The following CACNA1G variants were observed in gnomAD, a reference collection of about 807,000 sequenced individuals.
The protein encoded by CACNA1G is voltage-dependent T-type calcium channel subunit alpha-1G.
Under a neutral mutation model 219.4 loss-of-function variants are expected in CACNA1G, and 67 were observed. That is an observed-to-expected ratio of 0.31 (90% CI 0.25 to 0.37). The LOEUF is 0.37. Among genes scored for constraint, CACNA1G ranks in the 10% least tolerant of loss-of-function variants. The pLI is 1.00. For missense variants in CACNA1G, 2,380 were observed against 3,231.4 expected, an observed-to-expected ratio of 0.74 and a Z score of 6.39; for synonymous variants, 1,296 against 1,345.3, an observed-to-expected ratio of 0.96 and a Z score of 0.80.
intron 9 of CACNA1G, among the ~76,000 whole-genome samples, chr17:50,579,009 G>T (rs886949502): frequency 1.3e-5 from 2 of 152,100 alleles, no homozygotes; most frequent in South Asian, 4.1e-4. Flanking sequence ...ATGTAAACAG[G>T]GGTGCAGAGG....
chr17:50,610,177 T>A (rs1034926641), intron 26 of CACNA1G, among the ~76,000 whole-genome samples: 4 of 152,116 alleles, frequency 2.6e-5, no homozygotes, highest in African/African-American at 9.6e-5. Flanking sequence ...CAGCAAGGGC[T>A]TCCTTGGCCG....
intron 9 of CACNA1G, among the ~76,000 whole-genome samples, chr17:50,585,254 T>C (rs908378716): frequency 4.6e-5 from 7 of 152,134 alleles, no homozygotes; most frequent in African/African-American, 1.7e-4. Flanking sequence ...CAAGCGATCC[T>C]CCCACCCCAG....
intron 10 of CACNA1G, 49 bp from the exon 11 acceptor site, chr17:50,591,386 G>A (rs781422746): frequency 1.4e-6 from 2 of 1,462,650 alleles, no homozygotes; most frequent in Non-Finnish European, 1.8e-6. Context: ...AGGGAGTAGG[G>A]GGAGAGGGTG....
In CACNA1G at chr17:50,568,880, C is replaced by T. The variant is rs1438217441; in HGVS notation, c.253C>T (p.Arg85Cys). 6.2e-7 allele frequency: 1 copy of T among 1,613,376 alleles called. No individual in the cohort carries two copies. The change falls in exon 2 of 38, where the codon CGC becomes TGC. Residue 85 changes from arginine (R) to cysteine (C), a missense_variant. Coordinates refer to ENST00000359106, the MANE Select transcript of CACNA1G (RefSeq NM_018896.5). ...CTTGACTGCCAGTACCTGGTTTGAGCGCATCAGCATGTTGGTCATCCTTCT... is the reference window on the plus strand; with the variant it reads ...CTTGACTGCCAGTACCTGGTTTGAGTGCATCAGCATGTTGGTCATCCTTCT... ...LRTVCNPWFE[R>C]ISMLVILLNC...
chr17:50,624,364 C>G lies in CACNA1G; in HGVS notation c.6234C>G (p.Ser2078=), dbSNP rs370861667. 3 of 1,578,658 alleles carry G rather than the reference C, an allele frequency of 1.9e-6. No individual in the cohort carries two copies. The highest frequency in any genetic ancestry group is 1.2e-5 in the South Asian group (1 of 85,780). ...GWGLPKAQSG[S]VLSVHSQPAD... is the part of the protein sequence containing the mutation. ...CCCGCTTCCCTCCCTCCACAGGCTC[C>G]GTCTTGTCCGTTCACTCCCAGCCAG... Residue 2078 remains serine, a synonymous_variant, in exon 37 of 38, where the codon TCC becomes TCG. Coordinates refer to ENST00000359106, the MANE Select transcript of CACNA1G (RefSeq NM_018896.5).
In CACNA1G at chr17:50,617,125, A is replaced by C. The variant is rs2050762040; in HGVS notation, c.5022-313A>C. On this transcript the variant is annotated intron_variant, in intron 28 of 37. Coordinates refer to ENST00000359106, the MANE Select transcript of CACNA1G (RefSeq NM_018896.5). This position sits in a 1 kb window ranked among gnomAD's most constrained non-coding sequence, Gnocchi z 5.8. ...CAGACTCCCAAAGTGTTGGGACTGC[A>C]GGTGTGAGTTCCTATTTGTAAAGCT... Among the ~76,000 whole-genome samples the C allele has an allele frequency of 6.6e-6, 1 of 152,220 alleles. No homozygotes were observed. Among genetic ancestry groups the C allele is most frequent in the African/African-American group, 2.4e-5 (1 of 41,454 alleles).
In CACNA1G at chr17:50,615,837, T is replaced by C. The variant is rs536157198; in HGVS notation, c.4911+325T>C. ...TAAAAAGGCAGATGGATGCCTGCCCTTCTGGAGTTGAGATTCTAGCGAACG... is the reference window on the plus strand; with the variant it reads ...TAAAAAGGCAGATGGATGCCTGCCCCTCTGGAGTTGAGATTCTAGCGAACG... On this transcript the variant is annotated intron_variant, in intron 27 of 37. Transcript: ENST00000359106. Among the ~76,000 whole-genome samples the C allele has an allele frequency of 2.0e-5, 3 of 152,370 alleles. No individual in the cohort carries two copies. In the East Asian group the frequency reaches 5.8e-4, roughly 29 times the overall value.
intron 1 of CACNA1G, among the ~76,000 whole-genome samples, chr17:50,562,684 G>A (rs750314672): frequency 1.3e-5 from 2 of 152,176 alleles, no homozygotes; most frequent in Non-Finnish European, 2.9e-5. Flanking sequence ...GCAGGCCCGC[G>A]AAAGTCTTGA....
chr17:50,592,023 C>G lies in CACNA1G; in HGVS notation c.2841C>G (p.Leu947=). Residue 947 remains leucine, a synonymous_variant, in exon 13 of 38, where the codon CTC becomes CTG. Transcript: ENST00000359106. ...GGGCGGCCCTTTATTTCATTGCCCT[C>G]ATGACCTTCGGCAACTACGTGCTCT... ...SSWAALYFIA[L]MTFGNYVLFN... The G allele has an allele frequency of 6.2e-7, 1 of 1,614,004 alleles. No homozygotes were observed. The highest frequency in any genetic ancestry group is 8.5e-7 in the Non-Finnish European group (1 of 1,179,872).
At chr17:50,597,382 G>A (rs1174647727) in intron 16 of CACNA1G, among the ~76,000 whole-genome samples, 1 of 152,226 alleles carries the variant, frequency 6.6e-6, no homozygotes, top group Non-Finnish European at 1.5e-5. Flanking sequence ...ATTTTACAGA[G>A]GGGGCCTGAG....
chr17:50,574,949 TGG>T (rs900137665), intron 7 of CACNA1G, among the ~76,000 whole-genome samples: 5 of 151,886 alleles, frequency 3.3e-5, no homozygotes, highest in African/African-American at 1.2e-4. Context: ...ACAGGGAAAA[TGG>T]GGACAGACAA....
chr17:50,596,067 G>A lies in CACNA1G; in HGVS notation c.2980-495G>A, dbSNP rs895906404. 2.0e-5 allele frequency among the ~76,000 whole-genome samples: 3 copies of A among 152,166 alleles called. No individual in the cohort carries two copies. The highest frequency in any genetic ancestry group is 4.4e-5 in the Non-Finnish European group (3 of 68,026). On this transcript the variant is annotated intron_variant, in intron 14 of 37. Coordinates refer to ENST00000359106, the MANE Select transcript of CACNA1G (RefSeq NM_018896.5). The surrounding 1 kb of genome is among the most constrained non-coding windows in gnomAD (Gnocchi z 4.8). Reference sequence around the variant, plus strand: ...GAAGACACCGAGGGACTGAAGTGGCGTCCTCGGGCTGAGCTGTTCTGTCTG... The same window carrying A: ...GAAGACACCGAGGGACTGAAGTGGCATCCTCGGGCTGAGCTGTTCTGTCTG...
rs200912076 is a variant in CACNA1G at position 50,627,419 on chromosome 17, ATATC to A, written c.*684_*687del. On this transcript the variant is annotated 3_prime_UTR_variant, in exon 38 of 38. Coordinates refer to ENST00000359106, the MANE Select transcript of CACNA1G (RefSeq NM_018896.5). ...AACCTTTTTATATATACATACATAC[ATATC>A]TATCTATCTATCTATATATATATAA... 863 of 346,254 alleles carry A rather than the reference ATATC, an allele frequency of 2.5e-3. 13 individuals are homozygous for A. Among genetic ancestry groups the A allele is most frequent in the African/African-American group, 0.016 (728 of 46,286 alleles). 21.4% of individuals were successfully genotyped at this position (346,254 alleles called of 1,614,324 possible).
chr17:50,573,388 A>C, intron 7 of CACNA1G: 1 of 355,554 alleles, frequency 2.8e-6, no homozygotes, highest in Non-Finnish European at 5.1e-6. Context: ...TTCATGGGTA[A>C]AATGAATGGT....
At chr17:50,601,283 G>A (rs1016632876) in intron 19 of CACNA1G, 109 bp downstream of exon 19, 3 of 1,356,118 alleles carry the variant, frequency 2.2e-6, no homozygotes, top group Non-Finnish European at 2.0e-6. Context: ...ACACAGCAGG[G>A]AACGAGGGGG....
Position 50,561,330 on chromosome 17 carries a change from G to T in CACNA1G, c.-130G>T. The T allele has an allele frequency of 8.5e-7, 1 of 1,182,064 alleles. No homozygotes were observed. Among genetic ancestry groups the T allele is most frequent in the Non-Finnish European group, 1.2e-6 (1 of 851,254 alleles). 73.2% of individuals were successfully genotyped at this position (1,182,064 alleles called of 1,614,324 possible). ...AGCTGGGCTGAACTGGCCCTCCCGG[G>T]GGCTCAGCTTGCGCCCTAGAGCCCA... On this transcript the variant is annotated 5_prime_UTR_variant, in exon 1 of 38. Transcript: ENST00000359106.
At position 50,569,307 on chromosome 17, in the gene CACNA1G, C is replaced by G. The variant is rs776352826; in HGVS notation, c.488+9C>G. On this transcript the variant is annotated intron_variant, in intron 3 of 37. Coordinates refer to ENST00000359106, the MANE Select transcript of CACNA1G (RefSeq NM_018896.5). The stretch of plus-strand genomic sequence containing the variant: ...TTCATCGTCATCGCAGGGTGAGGAC[C>G]TGGGCTGGGGTGGGAGAGCAATGGA... The G allele has an allele frequency of 5.0e-6, 8 of 1,613,218 alleles. No homozygotes were observed. The highest frequency in any genetic ancestry group is 6.8e-6 in the Non-Finnish European group (8 of 1,179,790).
intron 1 of CACNA1G, among the ~76,000 whole-genome samples, chr17:50,562,508 G>A (rs943288393): frequency 6.6e-6 from 1 of 152,156 alleles, no homozygotes; most frequent in Non-Finnish European, 1.5e-5. Context: ...ATTCGATGCA[G>A]GGTGCTTAAG....
intron 13 of CACNA1G, among the ~76,000 whole-genome samples, chr17:50,593,110 G>C (rs773559378): frequency 5.3e-5 from 8 of 152,200 alleles, no homozygotes; most frequent in Non-Finnish European, 1.2e-4. Flanking sequence ...CAGGGCAGCT[G>C]GTGGGGGAGG....
Sources: allele counts gnomAD v4.1 joint callset (sites outside exome capture counted in the v4.1 genomes callset), GRCh38; gene constraint gnomAD v4.1.1; non-coding constraint Gnocchi (gnomAD v3.1); transcripts MANE v1.5; gene names NCBI Gene and HGNC (gene_info 2026-07-23, HGNC 2026-07-21).